GLT8D2: variants seen among roughly 807,000 people sequenced by gnomAD.
GLT8D2 encodes the protein glycosyltransferase 8 domain containing 2.
A neutral mutation model predicts 44.5 loss-of-function variants in GLT8D2; 45 were observed. The ratio of observed to expected loss-of-function variants is 1.01; its 90% CI spans 0.80 to 1.30. The LOEUF (loss-of-function observed/expected upper bound fraction) is 1.30, where lower values mean the gene tolerates loss of function less well. Among genes scored for constraint, GLT8D2 ranks in the 50% most tolerant of loss-of-function variants. The pLI, the probability that GLT8D2 is intolerant of heterozygous loss-of-function variation, is 0.00. For missense variants in GLT8D2, 400 were observed against 430.4 expected (o/e 0.93, Z 0.62); for synonymous variants, 156 against 157.2 (o/e 0.99, Z 0.06).
chr12:104,004,988 A>G (rs1874779379), intron 4 of GLT8D2, among the ~76,000 whole-genome samples: 1 of 152,186 alleles, frequency 6.6e-6, no homozygotes, highest in Non-Finnish European at 1.5e-5. Context: ...ACTATACTAC[A>G]AGGCTACAGT....
intron 3 of GLT8D2, among the ~76,000 whole-genome samples, chr12:104,016,770 A>AG (rs1473852690): frequency 7.4e-5 from 5 of 67,878 alleles, no homozygotes; most frequent in Middle Eastern, 7.5e-3. Context: ...AAAGAAAGAA[A>AG]GAAAGAAGGA....
intron 1 of GLT8D2, among the ~76,000 whole-genome samples, chr12:104,062,682 C>T (rs1413096687): frequency 6.6e-6 from 1 of 152,046 alleles, no homozygotes; most frequent in East Asian, 1.9e-4. Flanking sequence ...ACCATCTTGA[C>T]CGAGCTGGTC....
chr12:103,991,221 C>CT (rs1333728530), intron 10 of GLT8D2, among the ~76,000 whole-genome samples: 2 of 152,122 alleles, frequency 1.3e-5, no homozygotes, highest in African/African-American at 2.4e-5. Context: ...GAGTCTAGCT[C>CT]TGTCACCCAG....
At chr12:104,017,401 C>A (rs1479179296) in intron 3 of GLT8D2, among the ~76,000 whole-genome samples, 2 of 152,174 alleles carry the variant, frequency 1.3e-5, no homozygotes, top group East Asian at 3.9e-4. Context: ...TGGCTCACTG[C>A]AACCTCTGCC....
At chr12:103,997,857 G>A (rs1008789344) in intron 6 of GLT8D2, among the ~76,000 whole-genome samples, 26 of 151,340 alleles carry the variant, frequency 1.7e-4, no homozygotes, top group Admixed American at 6.6e-4. Flanking sequence ...GGCACAAATC[G>A]CCTGCCTTTC....
intron 6 of GLT8D2, 61 bp from the exon 7 acceptor site, chr12:103,997,596 G>A (rs1566190877): frequency 3.4e-6 from 4 of 1,186,196 alleles, no homozygotes; most frequent in Non-Finnish European, 5.0e-6. Flanking sequence ...TGTCTTCTGG[G>A]GGTACTGGAG....
At position 104,003,295 on chromosome 12, in the gene GLT8D2, C is replaced by T. The variant is rs140897214; in HGVS notation, c.124G>A (p.Glu42Lys). 1.6e-4 allele frequency: 259 copies of T among 1,613,934 alleles called. No individual in the cohort carries two copies. In the African/African-American group the frequency reaches 2.4e-3, roughly 15 times the overall value. The change falls in exon 5 of 11, where the codon GAG becomes AAG. Residue 42 changes from glutamate to lysine, a missense_variant. Physicochemically the swap from Glu to Lys is moderately conservative, Grantham distance 56 (BLOSUM62 1). Coordinates refer to ENST00000360814, the MANE Select transcript of GLT8D2 (RefSeq NM_001384711.1). ...VPKNDADDESETPEELEEEIP... is the reference protein window; with the variant it reads ...VPKNDADDESKTPEELEEEIP... ...TCTTCTTCCAGTTCTTCAGGAGTCTCGGATTCATCATCTGGAAACATAAAA... is the reference window on the plus strand; with the variant it reads ...TCTTCTTCCAGTTCTTCAGGAGTCTTGGATTCATCATCTGGAAACATAAAA...
intron 4 of GLT8D2, 135 bp from the exon 5 acceptor site, chr12:104,003,441 A>G (rs143373428): frequency 0.014 from 10,313 of 762,444 alleles, 98 homozygotes; most frequent in Middle Eastern, 0.025. Context: ...ATATCTAGTC[A>G]TTCTGTCTTC....
chr12:104,012,414 C>T (rs575773496), intron 4 of GLT8D2, among the ~76,000 whole-genome samples: 4 of 152,172 alleles, frequency 2.6e-5, no homozygotes, highest in Admixed American at 1.3e-4. Flanking sequence ...TCATGCGGTC[C>T]AAATGCTTTG....
Position 103,993,564 on chromosome 12 carries a change from T to A in GLT8D2, c.768-60A>T, listed in dbSNP as rs1346545415. 4.9e-6 allele frequency: 5 copies of A among 1,030,132 alleles called. No individual in the cohort carries two copies. The Admixed American group carries it at 1.0e-4, about 21-fold the overall frequency. 63.8% of individuals were successfully genotyped at this position (1,030,132 alleles called of 1,614,324 possible). On this transcript the variant is annotated intron_variant, in intron 9 of 10. Transcript: ENST00000360814. ...GGAGCCCCCACAAACTCAGATAAAG[T>A]CGAATCTGATATTGTAAATGATGTA...
At chr12:104,029,350 T>C (rs1333693389) in intron 1 of GLT8D2, among the ~76,000 whole-genome samples, 2 of 152,098 alleles carry the variant, frequency 1.3e-5, no homozygotes, top group Admixed American at 6.6e-5. Flanking sequence ...AGCTACAAAG[T>C]TTATTTTTGG....
chr12:104,064,420 C>T, upstream of GLT8D2: 2 of 755,094 alleles, frequency 2.6e-6, no homozygotes, highest in Middle Eastern at 4.1e-4. This position sits in a 1 kb window ranked among gnomAD's most constrained non-coding sequence, Gnocchi z 7.3. Flanking sequence ...CTCTCCACTG[C>T]CCGCGGGCCT....
intron 3 of GLT8D2, among the ~76,000 whole-genome samples, chr12:104,016,825 GAAAA>G (rs770013532): frequency 2.0e-5 from 1 of 50,324 alleles, no homozygotes; most frequent in African/African-American, 7.4e-5. Context: ...GAAAGAGAAA[GAAAA>G]GAAAGAAAGA....
intron 4 of GLT8D2, among the ~76,000 whole-genome samples, chr12:104,010,666 G>A (rs975140479): frequency 6.6e-6 from 1 of 152,184 alleles, no homozygotes; most frequent in African/African-American, 2.4e-5. Context: ...ATAGATGGGT[G>A]AATATTAGAT....
At chr12:104,017,065 T>C (rs952575774) in intron 3 of GLT8D2, among the ~76,000 whole-genome samples, 1 of 152,168 alleles carries the variant, frequency 6.6e-6, no homozygotes, top group South Asian at 2.1e-4. Context: ...ATAGCACTGG[T>C]TGTGCATGAA....
chr12:104,022,398 T>A (rs17035135), intron 1 of GLT8D2, among the ~76,000 whole-genome samples: 5,618 of 152,298 alleles, frequency 0.037, 186 homozygotes, highest in South Asian at 0.084. Flanking sequence ...CTGTTTCACA[T>A]TGTTATACAC....
upstream of GLT8D2, among the ~76,000 whole-genome samples, chr12:104,052,140 A>G (rs561678207): frequency 3.3e-5 from 5 of 152,356 alleles, no homozygotes; most frequent in Non-Finnish European, 7.3e-5. Flanking sequence ...AAAATTAAAA[A>G]TTCAGTTCCT....
intron 1 of GLT8D2, among the ~76,000 whole-genome samples, chr12:104,029,180 C>T (rs1878937127): frequency 6.6e-6 from 1 of 152,036 alleles, no homozygotes; most frequent in South Asian, 2.1e-4. Context: ...GTCCCAGCTA[C>T]TTCGGAGGCT....
intron 4 of GLT8D2, among the ~76,000 whole-genome samples, chr12:104,005,239 T>G (rs927470825): frequency 2.7e-4 from 41 of 152,186 alleles, no homozygotes; most frequent in South Asian, 1.2e-3. Context: ...ATTCAAGATG[T>G]ATTAAAGACT....
Sources: gnomAD v4.1 joint callset for allele counts (sites outside exome capture counted in the v4.1 genomes callset) on GRCh38, gnomAD v4.1.1 for gene constraint, Gnocchi (gnomAD v3.1) non-coding constraint, MANE v1.5 for transcripts, NCBI Gene and HGNC (gene_info 2026-07-23, HGNC 2026-07-21) for gene names.